The following ENO4 variants were observed in gnomAD, a reference collection of about 807,000 sequenced individuals.
ENO4 encodes the protein 2-phospho-D-glycerate hydro-lyase.
Under a neutral mutation model 63.2 loss-of-function variants are expected in ENO4, and 53 were observed. That is an observed-to-expected ratio of 0.84 (90% CI 0.67 to 1.05). The LOEUF (loss-of-function observed/expected upper bound fraction) is 1.05. ENO4 is among the 50% of genes least tolerant of loss of function. The probability of loss-of-function intolerance (pLI) is 0.00; values close to 1 mark genes in which losing one functional copy is unlikely to be tolerated. For missense variants in ENO4, 719 were observed against 772.0 expected, an observed-to-expected ratio of 0.93 and a Z score of 0.81; for synonymous variants, 266 against 283.8, an observed-to-expected ratio of 0.94 and a Z score of 0.63.
intron 10 of ENO4, among the ~76,000 whole-genome samples, chr10:116,895,713 A>G (rs1395731358): frequency 6.6e-6 from 1 of 152,204 alleles, no homozygotes; most frequent in African/African-American, 2.4e-5. Context: ...TTAAGACACT[A>G]AACGCAGTAC....
chr10:116,870,056 T>C (rs1441022776), intron 8 of ENO4, among the ~76,000 whole-genome samples: 1 of 152,160 alleles, frequency 6.6e-6, no homozygotes, highest in East Asian at 1.9e-4. Context: ...GACAAAAATT[T>C]CCCCAACTAT....
In ENO4 at chr10:116,874,174, T is replaced by G. The variant is rs1301918627; in HGVS notation, c.1314T>G (p.Ile438Met). The G allele has an allele frequency of 2.6e-6, 4 of 1,547,152 alleles. No individual in the cohort carries two copies. The highest frequency in any genetic ancestry group is 3.5e-6 in the Non-Finnish European group (4 of 1,144,316). Reference sequence around the variant, plus strand: ...TGATCAACAAGTACCCTTCAATTATTGCCTTAATTGATCCTTTCAGGAAGG... The same window carrying G: ...TGATCAACAAGTACCCTTCAATTATGGCCTTAATTGATCCTTTCAGGAAGG... ...VDLINKYPSI[I>M]ALIDPFRKED... Residue 438 changes from isoleucine (I) to methionine (M), a missense_variant, in exon 10 of 14, where the codon ATT becomes ATG. By Grantham distance (10) the Ile-to-Met change is conservative. Around this residue, in one of 3 missense-constraint regions of ENO4, gnomAD observed 544 missense variants for 583.6 expected, o/e 0.93. Transcript: ENST00000341276.
At chr10:116,905,795 A>C (rs1847945315) in intron 10 of ENO4, among the ~76,000 whole-genome samples, 1 of 152,198 alleles carries the variant, frequency 6.6e-6, no homozygotes, top group African/African-American at 2.4e-5. Context: ...AGTTTTTTGA[A>C]GTCGGCTTCC....
chr10:116,910,569 G>A (rs928714542), intron 10 of ENO4, among the ~76,000 whole-genome samples: 7 of 152,126 alleles, frequency 4.6e-5, no homozygotes, highest in Admixed American at 2.6e-4. Flanking sequence ...TCATAGAGAC[G>A]TCTGATTTTC....
chr10:116,897,871 T>C (rs1020583825), intron 10 of ENO4, among the ~76,000 whole-genome samples: 4 of 152,116 alleles, frequency 2.6e-5, no homozygotes, highest in Non-Finnish European at 5.9e-5. Context: ...GGCACCGGCT[T>C]AGAAAATAAA....
At position 116,870,980 on chromosome 10, in the gene ENO4, A is replaced by G. The variant is rs550327392; in HGVS notation, c.1048-145A>G. 7.4e-4 allele frequency: 501 copies of G among 681,244 alleles called. 2 individuals carry two copies. In the African/African-American group the frequency reaches 7.4e-3, roughly 10 times the overall value. The allele number at this position is 681,244 out of a possible 1,614,324, so 42.2% of individuals were successfully genotyped here. On this transcript the variant is annotated intron_variant, in intron 8 of 13. Transcript: ENST00000341276. ...GCAGGGGAATCATATGCCCTAAGTC[A>G]TGTGAATCAATCCTAAGTAGGATTG...
At chr10:116,860,231 G>A (rs1846373614) in intron 4 of ENO4, among the ~76,000 whole-genome samples, 1 of 152,228 alleles carries the variant, frequency 6.6e-6, no homozygotes, top group East Asian at 1.9e-4. Context: ...CAGGGAGGCT[G>A]AGAACATATT....
intron 7 of ENO4, among the ~76,000 whole-genome samples, chr10:116,864,620 C>T (rs1227416397): frequency 2.0e-5 from 3 of 152,164 alleles, no homozygotes; most frequent in Admixed American, 1.3e-4. Flanking sequence ...TAGAGCTACC[C>T]TCCCACAACC....
At chr10:116,879,117 TAAAC>T (rs1355312248) in intron 11 of ENO4, among the ~76,000 whole-genome samples, 170 bp from the exon 12 acceptor site, 3 of 151,972 alleles carry the variant, frequency 2.0e-5, no homozygotes, top group African/African-American at 4.8e-5. Context: ...AAATTGGGGG[TAAAC>T]AAACAAAAGC....
intron 10 of ENO4, among the ~76,000 whole-genome samples, chr10:116,904,420 G>T (rs981858607): frequency 6.6e-6 from 1 of 150,632 alleles, no homozygotes; most frequent in Non-Finnish European, 1.5e-5. Context: ...GTAAGAGTTT[G>T]TAAGTTTGTT....
chr10:116,912,253 G>A (rs1848228577), downstream of ENO4, among the ~76,000 whole-genome samples: 1 of 152,226 alleles, frequency 6.6e-6, no homozygotes, highest in Non-Finnish European at 1.5e-5. Context: ...AAACAAGGCA[G>A]TGCAGAGCAG....
Position 116,903,696 on chromosome 10 carries a change from C to A in ENO4, c.1195-7803C>A, listed in dbSNP as rs537591056. On this transcript the variant is annotated intron_variant, in intron 10 of 10. Transcript: ENST00000369207. Reference sequence around the variant, plus strand: ...TTGCTTCTGATCAGCTCTATTCTGCCCTTGGGTAAGCGTTGACTACAATAC... The same window carrying A: ...TTGCTTCTGATCAGCTCTATTCTGCACTTGGGTAAGCGTTGACTACAATAC... 2.4e-4 allele frequency among the ~76,000 whole-genome samples: 37 copies of A among 152,118 alleles called. No individual in the cohort carries two copies. In the South Asian group the frequency reaches 7.3e-3, roughly 30 times the overall value.
intron 12 of ENO4, among the ~76,000 whole-genome samples, chr10:116,879,564 C>T (rs1448190593): frequency 6.6e-6 from 1 of 152,176 alleles, no homozygotes; most frequent in African/African-American, 2.4e-5. Flanking sequence ...GATGAGCACA[C>T]TTAAATGACT....
Position 116,878,738 on chromosome 10 carries a change from A to C in ENO4, c.1538-553A>C, listed in dbSNP as rs150238349. Reference sequence around the variant, plus strand: ...AATAATAGTGCATTTTACAAATCATATATCTTTTTTTTTTTTTTTTTTGAG... The same window carrying C: ...AATAATAGTGCATTTTACAAATCATCTATCTTTTTTTTTTTTTTTTTTGAG... On this transcript the variant is annotated intron_variant, in intron 11 of 13. Transcript: ENST00000341276. Among the ~76,000 whole-genome samples, 9 of 86,480 alleles carry C rather than the reference A, an allele frequency of 1.0e-4. No homozygotes were observed. In the East Asian group the frequency reaches 2.7e-3, roughly 26 times the overall value. 56.7% of individuals were successfully genotyped at this position (86,480 alleles called of 152,430 possible). A position where few individuals can be genotyped will look rare whatever the true frequency, so the allele number is the denominator to read the frequency against.
At chr10:116,911,935 A>G, downstream of ENO4, 1 of 879,642 alleles carries the variant, frequency 1.1e-6, no homozygotes, top group Non-Finnish European at 1.9e-6. Context: ...TAGTAGCCTT[A>G]TATTGGTAAT....
intron 8 of ENO4, among the ~76,000 whole-genome samples, chr10:116,869,996 A>C (rs1459816143): frequency 6.6e-6 from 1 of 152,194 alleles, no homozygotes; most frequent in Non-Finnish European, 1.5e-5. Context: ...AGCACCAAAT[A>C]AGTGATGCTT....
chr10:116,879,280 T>G lies in ENO4; in HGVS notation c.1538-11T>G. Reference sequence around the variant, plus strand: ...TACACCATATAAAACTGAAAGAAATTCCTCTTCCAGGTAAGAAGCACATCA... The same window carrying G: ...TACACCATATAAAACTGAAAGAAATGCCTCTTCCAGGTAAGAAGCACATCA... On this transcript the variant is annotated splice_polypyrimidine_tract_variant and intron_variant, in intron 11 of 13. Coordinates refer to ENST00000341276, the MANE Select transcript of ENO4 (RefSeq NM_001242699.2). 1.9e-6 allele frequency: 3 copies of G among 1,542,280 alleles called. No homozygotes were observed. Among genetic ancestry groups the G allele is most frequent in the Non-Finnish European group, 2.6e-6 (3 of 1,140,836 alleles).
intron 7 of ENO4, among the ~76,000 whole-genome samples, chr10:116,866,493 T>C (rs561401126): frequency 3.0e-4 from 45 of 152,238 alleles, no homozygotes; most frequent in Non-Finnish European, 3.7e-4. Flanking sequence ...TTACATATCC[T>C]GTCAATGCAC....
chr10:116,874,264 ACCT>A, intron 10 of ENO4, 63 bp downstream of exon 10: 1 of 1,274,342 alleles, frequency 7.8e-7, no homozygotes, highest in African/African-American at 1.5e-5. Context: ...GGCAGGACTC[ACCT>A]TTTATATTTT....
Sources: allele counts gnomAD v4.1 joint callset (sites outside exome capture counted in the v4.1 genomes callset), GRCh38; gene constraint gnomAD v4.1.1; regional missense constraint gnomAD v4.1.1; transcripts MANE v1.5; gene names NCBI Gene and HGNC (gene_info 2026-07-23, HGNC 2026-07-21).